Variants in SGPP2 observed in about 807,000 individuals in gnomAD.
SGPP2 encodes the protein sphingosine-1-phosphate phosphatase 2.
A neutral mutation model predicts 33.9 loss-of-function variants in SGPP2; 30 were observed. The observed-to-expected ratio is 0.89, with a 90% CI of 0.66 to 1.20. The LOEUF (loss-of-function observed/expected upper bound fraction) is 1.20. Among genes scored for constraint, SGPP2 ranks in the 50% most tolerant of loss-of-function variants. SGPP2 has a pLI of 0.00. For missense variants in SGPP2, 458 were observed against 532.1 expected, an observed-to-expected ratio of 0.86 and a Z score of 1.37; for synonymous variants, 233 against 225.0, an observed-to-expected ratio of 1.04 and a Z score of -0.32.
chr2:222,475,046 T>G (rs1384290328), intron 2 of SGPP2, among the ~76,000 whole-genome samples: 3 of 152,146 alleles, frequency 2.0e-5, no homozygotes, highest in Non-Finnish European at 2.9e-5. Context: ...AAAGGTGGTT[T>G]TCATCCCCCA....
chr2:222,525,183 T>G (rs925466091), intron 4 of SGPP2, 150 bp downstream of exon 4: 7 of 615,396 alleles, frequency 1.1e-5, no homozygotes, highest in African/African-American at 1.9e-5. Flanking sequence ...ATTATTATGT[T>G]CGGGTGCATG....
chr2:222,558,412 C>T lies in SGPP2; in HGVS notation c.714C>T (p.Phe238=). 1 of 1,614,222 alleles carries T rather than the reference C, an allele frequency of 6.2e-7. No individual in the cohort carries two copies. The highest frequency in any genetic ancestry group is 8.5e-7 in the Non-Finnish European group (1 of 1,180,042). The change falls in exon 5 of 5, where the codon TTC becomes TTT. Residue 238 remains phenylalanine, a synonymous_variant. Coordinates refer to ENST00000321276, the MANE Select transcript of SGPP2 (RefSeq NM_152386.4). ...LIVLTYPAWT[F]IDCLDSASPL... ...TCCTCACCTACCCTGCCTGGACCTT[C>T]ATCGACTGCCTGGACTCGGCCAGCC...
intron 2 of SGPP2, among the ~76,000 whole-genome samples, chr2:222,505,070 CA>C (rs1244165092): frequency 6.6e-6 from 1 of 152,192 alleles, no homozygotes; most frequent in Non-Finnish European, 1.5e-5. Flanking sequence ...AGAATTTATA[CA>C]AAAGTTTATC....
At chr2:222,496,724 G>A (rs912100425) in intron 2 of SGPP2, among the ~76,000 whole-genome samples, 3 of 152,060 alleles carry the variant, frequency 2.0e-5, no homozygotes, top group Non-Finnish European at 2.9e-5. Context: ...TCTACTTTGT[G>A]CTCCTTTTCT....
chr2:222,470,706 G>A (rs1398544589), intron 1 of SGPP2, among the ~76,000 whole-genome samples: 2 of 152,200 alleles, frequency 1.3e-5, no homozygotes, highest in Non-Finnish European at 2.9e-5. Flanking sequence ...TGAAATGATA[G>A]CAGCGAGGCT....
At position 222,460,731 on chromosome 2, in the gene SGPP2, G is replaced by A. The variant is rs945849121; in HGVS notation, c.220-13837G>A. 3.9e-5 allele frequency among the ~76,000 whole-genome samples: 6 copies of A among 152,076 alleles called. No homozygotes were observed. Among genetic ancestry groups the A allele is most frequent in the Admixed American group, 1.3e-4 (2 of 15,272 alleles). ...TCCCTCACACCCTGGCTGCTCTGTC[G>A]TGGACCAGGTACTGTTTCAGGAACA... is the stretch of plus-strand genomic sequence containing the variant. On this transcript the variant is annotated intron_variant, in intron 1 of 4. Coordinates refer to ENST00000321276, the MANE Select transcript of SGPP2 (RefSeq NM_152386.4). The surrounding 1 kb of genome is among the most constrained non-coding windows in gnomAD (Gnocchi z 4.3).
chr2:222,530,505 C>T (rs78254619), intron 4 of SGPP2, among the ~76,000 whole-genome samples: 2,523 of 152,268 alleles, frequency 0.017, 38 homozygotes, highest in Non-Finnish European at 0.025. Flanking sequence ...GTTTTGAACA[C>T]GGCTTCTTTC....
chr2:222,478,267 T>TGTGTG (rs1697979005), intron 2 of SGPP2, among the ~76,000 whole-genome samples: 2 of 141,488 alleles, frequency 1.4e-5, no homozygotes, highest in Admixed American at 7.1e-5. Flanking sequence ...GTGCATGCAT[T>TGTGTG]TGTGTGTGTG....
chr2:222,558,172 C>G (rs1032409335), intron 4 of SGPP2, among the ~76,000 whole-genome samples, 175 bp from the exon 5 acceptor site: 4 of 152,060 alleles, frequency 2.6e-5, no homozygotes, highest in Non-Finnish European at 4.4e-5. Flanking sequence ...AGCATTTTTT[C>G]GTATTTTCAC....
At position 222,521,445 on chromosome 2, in the gene SGPP2, T is replaced by G. The variant is rs147629031; in HGVS notation, c.379-322T>G. Among the ~76,000 whole-genome samples, 240 of 152,354 alleles carry G rather than the reference T, an allele frequency of 1.6e-3. 1 individual carries two copies. The highest frequency in any genetic ancestry group is 0.013 in the Admixed American group (192 of 15,310). Reference sequence around the variant, plus strand: ...TTGGTCTGCATTCTCCAGGTGTTACTAGATTGAGTAAAAATCTGCAAAGCT... The same window carrying G: ...TTGGTCTGCATTCTCCAGGTGTTACGAGATTGAGTAAAAATCTGCAAAGCT... On this transcript the variant is annotated intron_variant, in intron 2 of 4. Coordinates refer to ENST00000321276, the MANE Select transcript of SGPP2 (RefSeq NM_152386.4).
intron 2 of SGPP2, among the ~76,000 whole-genome samples, chr2:222,475,517 A>G (rs1465290515): frequency 1.3e-5 from 2 of 152,222 alleles, no homozygotes; most frequent in African/African-American, 4.8e-5. Context: ...CTGTTGAGCA[A>G]TACCTCCAAG....
intron 1 of SGPP2, among the ~76,000 whole-genome samples, chr2:222,471,226 T>C (rs750798682): frequency 2.9e-4 from 44 of 152,194 alleles, no homozygotes; most frequent in Non-Finnish European, 5.7e-4. Context: ...TGAATTCTTA[T>C]GCTTATCATG....
intron 3 of SGPP2, 99 bp from the exon 4 acceptor site, chr2:222,524,845 G>C (rs2106136257): frequency 2.2e-6 from 2 of 917,956 alleles, no homozygotes; most frequent in East Asian, 2.6e-5. Flanking sequence ...ATTTGGACTA[G>C]CAATTCTTGC....
At chr2:222,443,168 C>T (rs952191517) in intron 1 of SGPP2, among the ~76,000 whole-genome samples, 9 of 152,130 alleles carry the variant, frequency 5.9e-5, no homozygotes, top group African/African-American at 1.9e-4. Flanking sequence ...AAACCATTCT[C>T]GGCTTTGCCC....
Position 222,476,742 on chromosome 2 carries a change from G to A in SGPP2, c.378+2016G>A, listed in dbSNP as rs1488065483. On this transcript the variant is annotated intron_variant, in intron 2 of 4. Coordinates refer to ENST00000321276, the MANE Select transcript of SGPP2 (RefSeq NM_152386.4). This position sits in a 1 kb window ranked among gnomAD's most constrained non-coding sequence, Gnocchi z 4.3. ...TATGTATGTGTGTATATAGGTGTGT[G>A]TGTATATGTATGTATATAGGTGTGT... Among the ~76,000 whole-genome samples, 2 of 151,826 alleles carry A rather than the reference G, an allele frequency of 1.3e-5. No individual in the cohort carries two copies. Among genetic ancestry groups the A allele is most frequent in the African/African-American group, 4.8e-5 (2 of 41,310 alleles).
chr2:222,438,054 T>A (rs191070962), intron 1 of SGPP2, among the ~76,000 whole-genome samples: 4 of 152,274 alleles, frequency 2.6e-5, no homozygotes, highest in Non-Finnish European at 5.9e-5. Context: ...ACTGGCAGCT[T>A]TTTAGGTCAC....
Position 222,460,377 on chromosome 2 carries a change from T to G in SGPP2, c.220-14191T>G, listed in dbSNP as rs1452361916. On this transcript the variant is annotated intron_variant, in intron 1 of 4. Transcript: ENST00000321276. This position sits in a 1 kb window ranked among gnomAD's most constrained non-coding sequence, Gnocchi z 4.3. ...AGGCTCCAGTGGGGCTGCTGGGCTG[T>G]GGATGGCAGAGGCTGGGTTGTGTAT... Among the ~76,000 whole-genome samples, 2 of 152,130 alleles carry G rather than the reference T, an allele frequency of 1.3e-5. No individual in the cohort carries two copies. The highest frequency in any genetic ancestry group is 4.8e-5 in the African/African-American group (2 of 41,426).
chr2:222,540,427 A>G (rs952156913), intron 4 of SGPP2, among the ~76,000 whole-genome samples: 4 of 152,238 alleles, frequency 2.6e-5, no homozygotes, highest in African/African-American at 9.6e-5. Context: ...CCTGTACTGC[A>G]TAAATATCAG....
chr2:222,528,737 C>T (rs1698796603), intron 4 of SGPP2, among the ~76,000 whole-genome samples: 1 of 152,202 alleles, frequency 6.6e-6, no homozygotes, highest in African/African-American at 2.4e-5. Context: ...ATACCTCGGC[C>T]TCCCGAGTAG....
Sources: allele counts gnomAD v4.1 joint callset (sites outside exome capture counted in the v4.1 genomes callset), GRCh38; gene constraint gnomAD v4.1.1; non-coding constraint Gnocchi (gnomAD v3.1); transcripts MANE v1.5; gene names NCBI Gene and HGNC (gene_info 2026-07-23, HGNC 2026-07-21).